The following DPF3 variants were observed in gnomAD, a reference collection of about 807,000 sequenced individuals.
DPF3 encodes zinc finger protein DPF3.
DPF3 carries 18 observed loss-of-function variants against 56.8 expected under a neutral mutation model. That is an observed-to-expected ratio of 0.32 (90% CI 0.22 to 0.47). DPF3 has a LOEUF of 0.47. Among genes scored for constraint, DPF3 ranks in the 20% least tolerant of loss-of-function variants. The pLI is 1.00. For missense variants in DPF3, 403 were observed against 488.8 expected (o/e 0.82, Z 1.65); for synonymous variants, 188 against 180.2 (o/e 1.04, Z -0.35).
intron 3 of DPF3, among the ~76,000 whole-genome samples, chr14:72,739,737 A>C (rs1890051460): frequency 6.6e-6 from 1 of 152,162 alleles, no homozygotes; most frequent in South Asian, 2.1e-4. Context: ...TCGGGGGAAA[A>C]ATCATGGCAG....
intron 1 of DPF3, among the ~76,000 whole-genome samples, chr14:72,809,485 G>T (rs996384242): frequency 1.3e-5 from 2 of 152,230 alleles, no homozygotes; most frequent in Admixed American, 1.3e-4. Flanking sequence ...CTTATGTGCA[G>T]GCATGATGGC....
At chr14:72,709,405 T>C (rs1328208816) in intron 6 of DPF3, among the ~76,000 whole-genome samples, 6 of 152,176 alleles carry the variant, frequency 3.9e-5, no homozygotes, top group Non-Finnish European at 7.3e-5. Context: ...TTTTAATAGA[T>C]TTAAATTTAA....
At position 72,815,816 on chromosome 14, in the gene DPF3, TC is replaced by T. The variant is rs1883259109; in HGVS notation, c.33-43924del. Among the ~76,000 whole-genome samples the T allele has an allele frequency of 2.0e-5, 3 of 152,224 alleles. No individual in the cohort carries two copies. In the South Asian group the frequency reaches 6.2e-4, roughly 31 times the overall value. On this transcript the variant is annotated intron_variant, in intron 1 of 10. Coordinates refer to ENST00000556509, the MANE Select transcript of DPF3 (RefSeq NM_001280542.3). ...GCCAGCATCAAGGTCAGTTTCCTTA[TC>T]TTTTTCAGCTCCTAGAAGCCACCTG...
chr14:72,698,429 AG>A (rs1177460441), intron 6 of DPF3, among the ~76,000 whole-genome samples: 23 of 152,374 alleles, frequency 1.5e-4, no homozygotes, highest in Admixed American at 1.4e-3. Context: ...CTCTAATACC[AG>A]CACTTTGAGG....
chr14:72,714,988 G>C (rs553583373), intron 5 of DPF3, among the ~76,000 whole-genome samples: 1 of 152,324 alleles, frequency 6.6e-6, no homozygotes, highest in Admixed American at 6.5e-5. Context: ...AAGGCCTGAC[G>C]GGGGCAAGGC....
chr14:72,857,955 T>G (rs1462450196), intron 1 of DPF3, among the ~76,000 whole-genome samples: 2 of 152,066 alleles, frequency 1.3e-5, no homozygotes, highest in Non-Finnish European at 2.9e-5. Flanking sequence ...GGAAACTGTG[T>G]GGGTGAGAAA....
intron 10 of DPF3, 69 bp from the exon 11 acceptor site, chr14:72,619,436 A>AACTTCTTGAAAATCCTGTTTCCTTTG: frequency 6.7e-7 from 1 of 1,484,014 alleles, no homozygotes; most frequent in Non-Finnish European, 9.1e-7. Context: ...CACTGGCCCT[A>AACTTCTTGAAAATCCTGTTTCCTTTG]ACTTCTTGTA....
intron 7 of DPF3, among the ~76,000 whole-genome samples, 169 bp from the exon 8 acceptor site, chr14:72,674,537 G>T (rs924097221): frequency 4.6e-5 from 7 of 152,182 alleles, no homozygotes; most frequent in Admixed American, 6.5e-5. Context: ...CGGGTTTAAT[G>T]GTACTAATAA....
intron 3 of DPF3, among the ~76,000 whole-genome samples, chr14:72,734,953 T>C (rs1348800172): frequency 6.6e-6 from 1 of 152,186 alleles, no homozygotes; most frequent in African/African-American, 2.4e-5. Context: ...CAATCCCCAC[T>C]ACACCCAAGA....
At chr14:72,744,906 G>A (rs975594064) in intron 3 of DPF3, among the ~76,000 whole-genome samples, 4 of 152,200 alleles carry the variant, frequency 2.6e-5, no homozygotes, top group Admixed American at 2.0e-4. Flanking sequence ...GTCTCTTGAA[G>A]AGCAGGCAGA....
At chr14:72,649,630 A>G (rs190257579) in intron 8 of DPF3, among the ~76,000 whole-genome samples, 3 of 126,662 alleles carry the variant, frequency 2.4e-5, no homozygotes, top group Admixed American at 1.9e-4. Context: ...TAAAAGATGC[A>G]GAAACTCAAT....
chr14:72,704,943 A>G (rs1888341915), intron 6 of DPF3, among the ~76,000 whole-genome samples: 1 of 152,194 alleles, frequency 6.6e-6, no homozygotes, highest in South Asian at 2.1e-4. Flanking sequence ...CTTCTCGGTC[A>G]TCAGGCTTCA....
At position 72,618,621 on chromosome 14, in the gene DPF3, C is replaced by T. The variant is rs1884231409; in HGVS notation, c.*676G>A. ...CTTGGCACCATTTCCACAATGTTTC[C>T]TCCCATGTCTCTGCGCGTCTCCCTC... is the stretch of plus-strand genomic sequence containing the variant. On this transcript the variant is annotated 3_prime_UTR_variant, in exon 11 of 11. Transcript: ENST00000556509. Among the ~76,000 whole-genome samples, 1 of 152,160 alleles carries T rather than the reference C, an allele frequency of 6.6e-6. No individual in the cohort carries two copies. Among genetic ancestry groups the T allele is most frequent in the Non-Finnish European group, 1.5e-5 (1 of 68,032 alleles).
intron 1 of DPF3, among the ~76,000 whole-genome samples, chr14:72,886,889 C>T: frequency 6.6e-6 from 1 of 152,126 alleles, no homozygotes; most frequent in East Asian, 1.9e-4. Flanking sequence ...GCTAGTTCCA[C>T]ACAACTGCTG....
At chr14:72,888,024 G>A (rs1416618471) in intron 1 of DPF3, among the ~76,000 whole-genome samples, 1 of 152,166 alleles carries the variant, frequency 6.6e-6, no homozygotes, top group Non-Finnish European at 1.5e-5. Flanking sequence ...CCCAGATTCA[G>A]AGAGGGAGGA....
At chr14:72,835,317 C>T (rs1884245681) in intron 1 of DPF3, among the ~76,000 whole-genome samples, 1 of 152,132 alleles carries the variant, frequency 6.6e-6, no homozygotes, top group Admixed American at 6.5e-5. Context: ...CCTCCCTCCT[C>T]GGCCTCCCAA....
intron 6 of DPF3, among the ~76,000 whole-genome samples, chr14:72,708,531 A>G (rs1888513797): frequency 6.6e-6 from 1 of 152,182 alleles, no homozygotes; most frequent in South Asian, 2.1e-4. Flanking sequence ...TGGCTTTTCC[A>G]CTGCAGCTTG....
At chr14:72,737,149 G>C (rs933997723) in intron 3 of DPF3, among the ~76,000 whole-genome samples, 1 of 143,664 alleles carries the variant, frequency 7.0e-6, no homozygotes, top group Admixed American at 6.9e-5. Flanking sequence ...TTGAAGCATA[G>C]AAAGTCTTTT....
At chr14:72,718,394 T>A (rs1308085104) in intron 5 of DPF3, among the ~76,000 whole-genome samples, 4 of 152,176 alleles carry the variant, frequency 2.6e-5, no homozygotes, top group African/African-American at 9.7e-5. Context: ...GATCCCTGAG[T>A]GTCCTTTCAG....
Sources: gnomAD v4.1 joint callset for allele counts (sites outside exome capture counted in the v4.1 genomes callset) on GRCh38, gnomAD v4.1.1 for gene constraint, MANE v1.5 for transcripts, NCBI Gene and HGNC (gene_info 2026-07-23, HGNC 2026-07-21) for gene names.